MYO3B: variants seen among roughly 807,000 people sequenced by gnomAD.
MYO3B encodes the protein myosin IIIB.
A neutral mutation model predicts 174.6 loss-of-function variants in MYO3B; 156 were observed. That is an observed-to-expected ratio of 0.89 (90% CI 0.78 to 1.02). The LOEUF (loss-of-function observed/expected upper bound fraction) is 1.02. Among genes scored for constraint, MYO3B ranks in the 50% least tolerant of loss-of-function variants. The pLI is 0.00. For synonymous variants in MYO3B, 563 were observed against 569.1 expected (o/e 0.99, Z 0.15); for missense variants, 1,632 against 1,639.4 (o/e 1.00, Z 0.08).
Position 170,636,903 on chromosome 2 carries a change from T to G in MYO3B, c.3734-14725T>G, listed in dbSNP as rs573963158. On this transcript the variant is annotated intron_variant, in intron 32 of 34. Transcript: ENST00000408978. Reference sequence around the variant, plus strand: ...TTGGAAACTTAAAATTACATTGCACTGGAACTATCTTTTAGTTTGGTCGAA... The same window carrying G: ...TTGGAAACTTAAAATTACATTGCACGGGAACTATCTTTTAGTTTGGTCGAA... Among the ~76,000 whole-genome samples the G allele has an allele frequency of 2.4e-4, 36 of 152,062 alleles. 3 individuals are homozygous for G. The highest frequency in any genetic ancestry group is 8.0e-4 in the African/African-American group (33 of 41,490).
intron 7 of MYO3B, among the ~76,000 whole-genome samples, chr2:170,241,129 T>TG (rs1254674803): frequency 9.8e-6 from 1 of 102,240 alleles, no homozygotes; most frequent in Non-Finnish European, 2.1e-5. Context: ...TTTATTTATT[T>TG]GTTTTTTTTT....
intron 7 of MYO3B, among the ~76,000 whole-genome samples, chr2:170,305,373 T>G (rs543002124): frequency 5.3e-5 from 8 of 152,282 alleles, no homozygotes; most frequent in African/African-American, 1.4e-4. Context: ...ACTGAGAAGG[T>G]AAGTCCTCAT....
At chr2:170,312,038 G>A (rs1401284) in intron 7 of MYO3B, among the ~76,000 whole-genome samples, 105,385 of 152,080 alleles carry the variant, frequency 0.69, 39,491 homozygotes, top group East Asian at 0.92. Context: ...AAGTGTGAGT[G>A]CTCTTTTCTT....
intron 30 of MYO3B, among the ~76,000 whole-genome samples, chr2:170,540,416 CT>C (rs1170271694): frequency 1.3e-5 from 2 of 151,792 alleles, no homozygotes; most frequent in Admixed American, 6.6e-5. Flanking sequence ...TAAGCATTGG[CT>C]TTTTTTTCTT....
At chr2:170,304,566 G>A (rs2093688094) in intron 7 of MYO3B, among the ~76,000 whole-genome samples, 1 of 150,476 alleles carries the variant, frequency 6.6e-6, no homozygotes, top group East Asian at 2.0e-4. Context: ...CCAGGTTCAA[G>A]TGATTCTCCT....
At chr2:170,397,957 C>T (rs1324960779) in intron 16 of MYO3B, among the ~76,000 whole-genome samples, 3 of 152,098 alleles carry the variant, frequency 2.0e-5, no homozygotes, top group African/African-American at 7.2e-5. Context: ...CGTGGTGGCT[C>T]ATGGCTGTAA....
At chr2:170,354,953 G>C (rs971465145) in intron 8 of MYO3B, among the ~76,000 whole-genome samples, 14 of 151,984 alleles carry the variant, frequency 9.2e-5, no homozygotes, top group African/African-American at 2.9e-4. Context: ...CCTGGGGGTG[G>C]GGTGGGGGGT....
intron 25 of MYO3B, among the ~76,000 whole-genome samples, chr2:170,493,090 T>C (rs529704632): frequency 6.6e-6 from 1 of 152,340 alleles, no homozygotes; most frequent in South Asian, 2.1e-4. Context: ...CACCGTTGTT[T>C]TGATGAGGGA....
intron 6 of MYO3B, among the ~76,000 whole-genome samples, chr2:170,220,074 CAG>C (rs2092877260): frequency 6.6e-6 from 1 of 151,738 alleles, no homozygotes; most frequent in Non-Finnish European, 1.5e-5. Flanking sequence ...CTGGCTAACA[CAG>C]TGAAACCCTG....
At chr2:170,274,596 G>T (rs2105376803) in intron 7 of MYO3B, among the ~76,000 whole-genome samples, 1 of 152,258 alleles carries the variant, frequency 6.6e-6, no homozygotes, top group South Asian at 2.1e-4. Context: ...AAGGCATAGG[G>T]TTGTGTGAGG....
At chr2:170,427,792 T>C (rs2094676704) in intron 22 of MYO3B, among the ~76,000 whole-genome samples, 2 of 152,188 alleles carry the variant, frequency 1.3e-5, no homozygotes, top group Admixed American at 6.5e-5. Flanking sequence ...AAATAACTGG[T>C]AAATGTGAAA....
chr2:170,231,319 G>A (rs561634831), intron 6 of MYO3B, among the ~76,000 whole-genome samples: 2 of 152,326 alleles, frequency 1.3e-5, no homozygotes, highest in Admixed American at 6.5e-5. Flanking sequence ...CCAAAGACCT[G>A]TCAAGCTAAG....
At chr2:170,312,418 G>A (rs2093746174) in intron 7 of MYO3B, among the ~76,000 whole-genome samples, 1 of 152,254 alleles carries the variant, frequency 6.6e-6, no homozygotes. Flanking sequence ...CTGGCTTTTA[G>A]TAGGGGATGA....
At chr2:170,485,430 G>C (rs1685986141) in intron 25 of MYO3B, among the ~76,000 whole-genome samples, 5 of 148,840 alleles carry the variant, frequency 3.4e-5, no homozygotes, top group Admixed American at 2.7e-4. Context: ...CAGAGAGAGA[G>C]AGAGAGAGAG....
intron 1 of MYO3B, among the ~76,000 whole-genome samples, chr2:170,187,340 C>T (rs781247558): frequency 1.3e-5 from 2 of 152,108 alleles, no homozygotes; most frequent in Non-Finnish European, 2.9e-5. Flanking sequence ...TCAAGTGATT[C>T]TCCTGCCTCA....
chr2:170,544,123 C>A, intron 32 of MYO3B, 135 bp downstream of exon 32: 1 of 574,892 alleles, frequency 1.7e-6, no homozygotes, highest in Non-Finnish European at 3.1e-6. Flanking sequence ...GGAAGCCATA[C>A]ATGCTGGATG....
chr2:170,576,643 G>A (rs1424891036), intron 32 of MYO3B, among the ~76,000 whole-genome samples: 1 of 152,346 alleles, frequency 6.6e-6, no homozygotes, highest in South Asian at 2.1e-4. Flanking sequence ...TAATGTTCTT[G>A]TGTGTACATA....
At chr2:170,560,281 G>T (rs1397950157) in intron 32 of MYO3B, among the ~76,000 whole-genome samples, 1 of 152,144 alleles carries the variant, frequency 6.6e-6, no homozygotes, top group African/African-American at 2.4e-5. Flanking sequence ...GGACCAATTT[G>T]TTGGTATTTT....
At chr2:170,439,021 A>G (rs777715717) in intron 22 of MYO3B, among the ~76,000 whole-genome samples, 15 of 151,342 alleles carry the variant, frequency 9.9e-5, no homozygotes, top group Non-Finnish European at 2.1e-4. Context: ...TATACCGGTT[A>G]GCCATTTGTA....
Sources: gnomAD v4.1 joint callset for allele counts (sites outside exome capture counted in the v4.1 genomes callset) on GRCh38, gnomAD v4.1.1 for gene constraint, MANE v1.5 for transcripts, NCBI Gene and HGNC (gene_info 2026-07-23, HGNC 2026-07-21) for gene names.